Variants in TRPC4 observed in about 807,000 individuals in gnomAD.
The protein encoded by TRPC4 is short transient receptor potential channel 4.
A neutral mutation model predicts 99.4 loss-of-function variants in TRPC4; 49 were observed. That is an observed-to-expected ratio of 0.49 (90% CI 0.39 to 0.63). The LOEUF is 0.63. Among genes scored for constraint, TRPC4 ranks in the 20% least tolerant of loss-of-function variants. The probability of loss-of-function intolerance (pLI) is 0.00; values close to 1 mark genes in which losing one functional copy is unlikely to be tolerated. For missense variants in TRPC4, 898 were observed against 1,152.9 expected, an observed-to-expected ratio of 0.78 and a Z score of 3.20; for synonymous variants, 454 against 425.9, an observed-to-expected ratio of 1.07 and a Z score of -0.81.
chr13:37,827,529 C>T (rs992813004), intron 1 of TRPC4, among the ~76,000 whole-genome samples: 5 of 152,030 alleles, frequency 3.3e-5, no homozygotes, highest in Non-Finnish European at 2.9e-5. Flanking sequence ...GAGTACCCTG[C>T]GGTGTGAGGT....
chr13:37,637,855 C>A (rs959983797), intron 10 of TRPC4, among the ~76,000 whole-genome samples: 1 of 152,072 alleles, frequency 6.6e-6, no homozygotes, highest in Admixed American at 6.6e-5. Flanking sequence ...AAGGCTGATG[C>A]AAAAAGAAAC....
chr13:37,732,687 G>T (rs1004759423), intron 3 of TRPC4, among the ~76,000 whole-genome samples: 1 of 151,962 alleles, frequency 6.6e-6, no homozygotes, highest in Non-Finnish European at 1.5e-5. Context: ...ATCTAGCTGA[G>T]AACAAAATCA....
intron 1 of TRPC4, among the ~76,000 whole-genome samples, chr13:37,843,271 C>A (rs1958794502): frequency 6.6e-6 from 1 of 152,170 alleles, no homozygotes; most frequent in Admixed American, 6.5e-5. Flanking sequence ...ATAGGGCCAA[C>A]CACAGACTAG....
At chr13:37,759,011 G>T (rs1251096395) in intron 2 of TRPC4, among the ~76,000 whole-genome samples, 6 of 151,128 alleles carry the variant, frequency 4.0e-5, no homozygotes, top group African/African-American at 1.2e-4. Context: ...TATATTAATT[G>T]ATATGAAGGA....
intron 2 of TRPC4, among the ~76,000 whole-genome samples, chr13:37,774,944 T>TA (rs1381073493): frequency 7.5e-6 from 1 of 133,938 alleles, no homozygotes; most frequent in African/African-American, 2.8e-5. Flanking sequence ...CTATTATTCC[T>TA]AAATGATTAA....
intron 1 of TRPC4, among the ~76,000 whole-genome samples, chr13:37,832,733 T>C (rs967779656): frequency 7.9e-5 from 12 of 152,172 alleles, no homozygotes; most frequent in Admixed American, 2.0e-4. Context: ...GATGTTTATA[T>C]TGAATAAAAA....
intron 4 of TRPC4, among the ~76,000 whole-genome samples, chr13:37,675,342 A>G (rs944864360): frequency 6.6e-6 from 1 of 152,196 alleles, no homozygotes; most frequent in African/African-American, 2.4e-5. Context: ...TAAAGCAACC[A>G]TGTTGTGAGA....
chr13:37,710,417 A>T (rs1954442596), intron 3 of TRPC4, among the ~76,000 whole-genome samples: 1 of 151,874 alleles, frequency 6.6e-6, no homozygotes, highest in East Asian at 1.9e-4. Context: ...CCTTCCTTTT[A>T]AAAAGAGTTG....
At chr13:37,639,005 A>C (rs1432539878) in intron 10 of TRPC4, 35 bp downstream of exon 10, 5 of 1,602,318 alleles carry the variant, frequency 3.1e-6, no homozygotes, top group South Asian at 2.2e-5. Context: ...TATTCTGCAC[A>C]ATCTGCCTCT....
At chr13:37,741,141 T>G (rs939524613) in intron 3 of TRPC4, among the ~76,000 whole-genome samples, 12 of 152,226 alleles carry the variant, frequency 7.9e-5, no homozygotes, top group African/African-American at 2.9e-4. Context: ...TAGGCTACTC[T>G]ACCTTTTAAT....
At chr13:37,802,014 A>G (rs1031850649) in intron 1 of TRPC4, among the ~76,000 whole-genome samples, 1 of 152,118 alleles carries the variant, frequency 6.6e-6, no homozygotes, top group Non-Finnish European at 1.5e-5. Flanking sequence ...TATGTAAAAA[A>G]ATACTATCAA....
intron 2 of TRPC4, among the ~76,000 whole-genome samples, chr13:37,773,523 T>C (rs1384138440): frequency 3.0e-4 from 46 of 151,836 alleles, no homozygotes; most frequent in Admixed American, 6.6e-5. Context: ...AGGCTGCTAC[T>C]AGGGTCAACA....
At chr13:37,700,772 G>T (rs2138930584) in intron 3 of TRPC4, among the ~76,000 whole-genome samples, 1 of 152,098 alleles carries the variant, frequency 6.6e-6, no homozygotes, top group East Asian at 1.9e-4. Context: ...ATATGTGAAG[G>T]GTTATATTTG....
At chr13:37,757,659 C>T (rs1956129325) in intron 2 of TRPC4, among the ~76,000 whole-genome samples, 1 of 151,828 alleles carries the variant, frequency 6.6e-6, no homozygotes, top group South Asian at 2.1e-4. Context: ...CACACACACA[C>T]AAATATTTAC....
intron 1 of TRPC4, among the ~76,000 whole-genome samples, chr13:37,833,492 C>A (rs9548062): frequency 0.049 from 7,483 of 152,192 alleles, 289 homozygotes; most frequent in Admixed American, 0.087. Context: ...TGAAGATGGG[C>A]AGCTGACGAT....
chr13:37,841,148 A>G (rs1189045268), intron 1 of TRPC4, among the ~76,000 whole-genome samples: 1 of 152,152 alleles, frequency 6.6e-6, no homozygotes. Context: ...GAGGATCACA[A>G]TGAGCAAGTA....
At chr13:37,770,077 T>G (rs1956505784) in intron 2 of TRPC4, among the ~76,000 whole-genome samples, 1 of 151,560 alleles carries the variant, frequency 6.6e-6, no homozygotes, top group Non-Finnish European at 1.5e-5. Context: ...TCCTTTTATA[T>G]AAAACAAACC....
chr13:37,844,285 C>CTT (rs1272055306), intron 1 of TRPC4, among the ~76,000 whole-genome samples: 7 of 147,378 alleles, frequency 4.7e-5, no homozygotes, highest in African/African-American at 7.4e-5. Flanking sequence ...ACAGGTCTTT[C>CTT]TTTTTTTTTT....
chr13:37,745,461 TATATATATATATACACAC>T (rs1250795450), intron 3 of TRPC4, among the ~76,000 whole-genome samples: 1,000 of 15,428 alleles, frequency 0.065, 24 homozygotes, highest in Middle Eastern at 0.19. Flanking sequence ...TATATATATA[TATATATATATATACACAC>T]ACACACACAC....
Sources: gnomAD v4.1 joint callset for allele counts (sites outside exome capture counted in the v4.1 genomes callset) on GRCh38, gnomAD v4.1.1 for gene constraint, MANE v1.5 for transcripts, NCBI Gene and HGNC (gene_info 2026-07-23, HGNC 2026-07-21) for gene names.